The following TNIK variants were observed in gnomAD, a reference collection of about 807,000 sequenced individuals.
The protein encoded by TNIK is TRAF2 and NCK interacting kinase.
Under a neutral mutation model 191.3 loss-of-function variants are expected in TNIK, and 49 were observed. The ratio of observed to expected loss-of-function variants is 0.26; its 90% CI spans 0.20 to 0.32. The LOEUF (loss-of-function observed/expected upper bound fraction) is 0.32, where lower values mean the gene tolerates loss of function less well. Ranked by LOEUF, TNIK falls within the 10% of genes least tolerant of loss-of-function variation. The pLI, the probability that TNIK is intolerant of heterozygous loss-of-function variation, is 1.00. For missense variants in TNIK, 1,155 were observed against 1,702.3 expected, an observed-to-expected ratio of 0.68 and a Z score of 5.66; for synonymous variants, 594 against 600.9, an observed-to-expected ratio of 0.99 and a Z score of 0.17.
chr3:171,105,780 T>G (rs1724730410), intron 21 of TNIK, among the ~76,000 whole-genome samples: 1 of 152,178 alleles, frequency 6.6e-6, no homozygotes, highest in African/African-American at 2.4e-5. Flanking sequence ...ATTTCTGAAC[T>G]CATGTAATTC....
intron 18 of TNIK, among the ~76,000 whole-genome samples, chr3:171,114,206 C>T (rs1458447940): frequency 6.6e-6 from 1 of 152,160 alleles, no homozygotes; most frequent in Admixed American, 6.5e-5. Context: ...TCAGCTTCCT[C>T]TCTGTTCCTA....
At chr3:171,334,218 T>A (rs1316757500) in intron 2 of TNIK, among the ~76,000 whole-genome samples, 1 of 152,158 alleles carries the variant, frequency 6.6e-6, no homozygotes, top group African/African-American at 2.4e-5. Context: ...AGATTTGGCT[T>A]TTAGGAAAAT....
rs1253181462 is a variant in TNIK at position 171,060,392 on chromosome 3, G to T, written c.*3489C>A. 6.6e-6 allele frequency among the ~76,000 whole-genome samples: 1 copy of T among 152,124 alleles called. No homozygotes were observed. Among genetic ancestry groups the T allele is most frequent in the Non-Finnish European group, 1.5e-5 (1 of 68,012 alleles). Reference sequence around the variant, plus strand: ...TAGGTTTTGACAACCAGGAACTAAGGTGTTTTTAAAAAACATGTACTTGAT... The same window carrying T: ...TAGGTTTTGACAACCAGGAACTAAGTTGTTTTTAAAAAACATGTACTTGAT... On this transcript the variant is annotated 3_prime_UTR_variant, in exon 33 of 33. Coordinates refer to ENST00000436636, the MANE Select transcript of TNIK (RefSeq NM_015028.4).
At chr3:171,331,312 G>C (rs1311296196) in intron 2 of TNIK, among the ~76,000 whole-genome samples, 1 of 152,204 alleles carries the variant, frequency 6.6e-6, no homozygotes, top group Non-Finnish European at 1.5e-5. Flanking sequence ...ATATGGCAAA[G>C]AGAGCCCTGT....
At chr3:171,371,743 T>C (rs537877364) in intron 1 of TNIK, among the ~76,000 whole-genome samples, 1 of 152,222 alleles carries the variant, frequency 6.6e-6, no homozygotes, top group Non-Finnish European at 1.5e-5. Context: ...GCAGGTTTTA[T>C]TACAAATGGA....
chr3:171,356,185 G>GA (rs368687323), intron 2 of TNIK, among the ~76,000 whole-genome samples: 3,071 of 150,606 alleles, frequency 0.02, 116 homozygotes, highest in African/African-American at 0.071. Context: ...TTTCTGGGGG[G>GA]AAAAAAAAAT....
intron 18 of TNIK, among the ~76,000 whole-genome samples, chr3:171,116,253 C>G (rs1296189917): frequency 6.6e-6 from 1 of 152,162 alleles, no homozygotes; most frequent in African/African-American, 2.4e-5. Context: ...GATGAATGCT[C>G]TTAAGAGGAT....
chr3:171,307,208 G>A (rs991373703), intron 2 of TNIK, among the ~76,000 whole-genome samples: 4 of 152,046 alleles, frequency 2.6e-5, no homozygotes, highest in African/African-American at 9.7e-5. Context: ...GTAAAAACAG[G>A]CTGGTGGTGG....
chr3:171,237,503 G>GA (rs35646907), intron 2 of TNIK, among the ~76,000 whole-genome samples: 4,086 of 136,950 alleles, frequency 0.03, 82 homozygotes, highest in Non-Finnish European at 0.045. Context: ...GATTCCCACG[G>GA]AAAAAAAAAA....
intron 2 of TNIK, among the ~76,000 whole-genome samples, chr3:171,365,116 A>AAAT (rs1419229876): frequency 3.1e-4 from 45 of 144,364 alleles, no homozygotes; most frequent in African/African-American, 1.1e-3. Flanking sequence ...AAGAACGGAG[A>AAAT]AATTTTCTTC....
chr3:171,140,593 C>A (rs1467351622), intron 12 of TNIK, 84 bp from the exon 13 acceptor site: 1 of 1,279,574 alleles, frequency 7.8e-7, no homozygotes. Flanking sequence ...GCTGTTGAAC[C>A]CCAGACATGA....
At position 171,064,962 on chromosome 3, in the gene TNIK, G is replaced by A. The variant is rs188463263; in HGVS notation, c.4000-998C>T. Among the ~76,000 whole-genome samples, 154 of 152,272 alleles carry A rather than the reference G, an allele frequency of 1.0e-3. 1 individual carries two copies. The Middle Eastern group carries it at 0.041, about 40-fold the overall frequency. On this transcript the variant is annotated intron_variant, in intron 32 of 32. Transcript: ENST00000436636. ...ACTCTTAGGGTCAATGAATCAAAACGGAGAAGGACAGAGAGGGCCTATGGA... is the reference window on the plus strand; with the variant it reads ...ACTCTTAGGGTCAATGAATCAAAACAGAGAAGGACAGAGAGGGCCTATGGA...
At chr3:171,407,736 A>G (rs1173236666) in intron 1 of TNIK, among the ~76,000 whole-genome samples, 1 of 152,226 alleles carries the variant, frequency 6.6e-6, no homozygotes, top group Non-Finnish European at 1.5e-5. Context: ...GGCCACCCTA[A>G]GTTTATTTGT....
At chr3:171,400,523 G>A (rs1720794720) in intron 1 of TNIK, among the ~76,000 whole-genome samples, 2 of 151,272 alleles carry the variant, frequency 1.3e-5, no homozygotes, top group East Asian at 1.9e-4. Context: ...GAGCCATATT[G>A]CACCACTGCA....
intron 2 of TNIK, among the ~76,000 whole-genome samples, chr3:171,283,160 TA>T (rs3215113): frequency 0.11 from 15,215 of 141,736 alleles, 903 homozygotes; most frequent in South Asian, 0.17. Flanking sequence ...ATACCTACTT[TA>T]AAAAAAAAAA....
At chr3:171,200,820 C>T (rs1222598743) in intron 4 of TNIK, among the ~76,000 whole-genome samples, 1 of 152,216 alleles carries the variant, frequency 6.6e-6, no homozygotes, top group African/African-American at 2.4e-5. Flanking sequence ...AAAGTATTCA[C>T]TCCCTTGCTA....
At chr3:171,411,831 C>T (rs543721054) in intron 1 of TNIK, among the ~76,000 whole-genome samples, 56 of 152,296 alleles carry the variant, frequency 3.7e-4, no homozygotes, top group African/African-American at 1.3e-3. Flanking sequence ...TGATCCCCGC[C>T]AGCAACTTGT....
intron 1 of TNIK, among the ~76,000 whole-genome samples, chr3:171,423,220 C>G (rs6801019): frequency 0.04 from 6,051 of 152,146 alleles, 411 homozygotes; most frequent in African/African-American, 0.14. Context: ...CATGAGTGAA[C>G]TCCCATTCAC....
chr3:171,294,124 G>A (rs1332314618), intron 2 of TNIK, among the ~76,000 whole-genome samples: 1 of 152,152 alleles, frequency 6.6e-6, no homozygotes, highest in Non-Finnish European at 1.5e-5. Context: ...AGCTACTCAG[G>A]AGGCTGAGGC....
Sources: allele counts gnomAD v4.1 joint callset (sites outside exome capture counted in the v4.1 genomes callset), GRCh38; gene constraint gnomAD v4.1.1; transcripts MANE v1.5; gene names NCBI Gene and HGNC (gene_info 2026-07-23, HGNC 2026-07-21).